The following HACL2 variants were observed in gnomAD, a reference collection of about 807,000 sequenced individuals.
The protein encoded by HACL2 is 2-hydroxyacyl-CoA lyase 2.
chr19:15,115,836 G>T, the HACL2 span: 3 of 1,613,476 alleles, frequency 1.9e-6, no homozygotes, highest in Non-Finnish European at 2.5e-6. Flanking sequence ...CTTCCCTCAG[G>T]CCAGCCCAGT....
the HACL2 span, chr19:15,119,542 G>A: frequency 6.3e-7 from 1 of 1,580,604 alleles, no homozygotes; most frequent in Non-Finnish European, 8.7e-7. Context: ...GGATCAAAGG[G>A]CTGTCTTTTT....
chr19:15,120,170 A>G, the HACL2 span: 1 of 853,956 alleles, frequency 1.2e-6, no homozygotes, highest in Admixed American at 2.3e-5. Context: ...GGCCGGGAGA[A>G]AAGCCAGGAG....
At chr19:15,123,622 G>C in the HACL2 span, 1 of 1,581,336 alleles carries the variant, frequency 6.3e-7, no homozygotes, top group African/African-American at 1.4e-5. The surrounding 1 kb of genome is among the most constrained non-coding windows in gnomAD (Gnocchi z 5.1). Context: ...GGCCAGGGCA[G>C]AGGGCAGCTG....
the HACL2 span, chr19:15,125,186 C>A: frequency 1.9e-6 from 2 of 1,038,484 alleles, no homozygotes; most frequent in Non-Finnish European, 2.8e-6. Flanking sequence ...AGTTTCTGTG[C>A]GGCCACGCCC....
chr19:15,124,661 A>T, the HACL2 span: 9 of 520,100 alleles, frequency 1.7e-5, no homozygotes, highest in South Asian at 2.1e-4. Context: ...TTCTGTGAAA[A>T]GAGTCACTGG....
the HACL2 span, chr19:15,122,647 G>C: frequency 6.6e-7 from 1 of 1,514,678 alleles, no homozygotes; most frequent in Non-Finnish European, 9.2e-7. This position sits in a 1 kb window ranked among gnomAD's most constrained non-coding sequence, Gnocchi z 4.0. Context: ...AGCTGCAGGA[G>C]AGAACGGGGG....
chr19:15,124,680 G>C, the HACL2 span: 1 of 537,276 alleles, frequency 1.9e-6, no homozygotes, highest in South Asian at 2.3e-5. Flanking sequence ...GGGGAAGGAG[G>C]TAGGTGGGGT....
the HACL2 span, chr19:15,124,997 G>A: frequency 3.8e-6 from 6 of 1,598,142 alleles, no homozygotes; most frequent in East Asian, 1.1e-4. Flanking sequence ...GCGTCCCGCA[G>A]GCCAGGAGCA....
chr19:15,117,824 CAGGAGGAG>C, the HACL2 span: 2 of 1,601,430 alleles, frequency 1.2e-6, no homozygotes, highest in South Asian at 2.2e-5. Flanking sequence ...CAGCAGAAAC[CAGGAGGAG>C]AGGGACTGGG....
the HACL2 span, chr19:15,116,515 C>T: frequency 6.2e-7 from 1 of 1,613,136 alleles, no homozygotes; most frequent in Non-Finnish European, 8.5e-7. Context: ...CGAAGGAACC[C>T]ACATCTCCTG....
chr19:15,117,681 A>G, the HACL2 span: 1 of 536,676 alleles, frequency 1.9e-6, no homozygotes, highest in Admixed American at 3.2e-5. Flanking sequence ...CTCGTCTCTA[A>G]AAAATAAAAA....
At chr19:15,115,664 A>G in the HACL2 span, 3 of 1,613,356 alleles carry the variant, frequency 1.9e-6, no homozygotes, top group Non-Finnish European at 2.5e-6. Flanking sequence ...CAAGGCCATC[A>G]CTGGGATCTA....
At chr19:15,118,745 G>A in the HACL2 span, among the ~76,000 whole-genome samples, 1 of 152,176 alleles carries the variant, frequency 6.6e-6, no homozygotes, top group Non-Finnish European at 1.5e-5. Flanking sequence ...GGGGGCCATG[G>A]AGACAGGGGT....
the HACL2 span, among the ~76,000 whole-genome samples, chr19:15,118,275 G>A: frequency 4.9e-4 from 74 of 152,282 alleles, no homozygotes; most frequent in African/African-American, 1.7e-3. Flanking sequence ...ACATCCATTT[G>A]TACAAGGTCA....
the HACL2 span, chr19:15,115,710 C>G: frequency 6.3e-7 from 1 of 1,594,766 alleles, no homozygotes; most frequent in African/African-American, 1.3e-5. Context: ...AGCCTTCAGC[C>G]CCATGGCTTG....
the HACL2 span, chr19:15,117,985 C>T: frequency 2.5e-6 from 4 of 1,614,030 alleles, no homozygotes; most frequent in Non-Finnish European, 3.4e-6. Flanking sequence ...GAGGACACGG[C>T]CATAGGATAG....
the HACL2 span, chr19:15,117,826 G>A: frequency 6.3e-7 from 1 of 1,591,632 alleles, no homozygotes; most frequent in Non-Finnish European, 8.6e-7. Context: ...GCAGAAACCA[G>A]GAGGAGAGGG....
the HACL2 span, chr19:15,115,610 A>AC: frequency 1.2e-6 from 2 of 1,613,920 alleles, no homozygotes; most frequent in Non-Finnish European, 8.5e-7. Flanking sequence ...CAGAGAGGGC[A>AC]CCTGCTCCCG....
the HACL2 span, chr19:15,123,686 G>A: frequency 1.1e-6 from 1 of 927,360 alleles, no homozygotes. The surrounding 1 kb of genome is among the most constrained non-coding windows in gnomAD (Gnocchi z 5.1). Context: ...AGGGTGAGAG[G>A]TCAAGAGAAG....
Sources: gnomAD v4.1 joint callset for allele counts (sites outside exome capture counted in the v4.1 genomes callset) on GRCh38, gnomAD v4.1.1 for gene constraint, Gnocchi (gnomAD v3.1) non-coding constraint, MANE v1.5 for transcripts, NCBI Gene and HGNC (gene_info 2026-07-23, HGNC 2026-07-21) for gene names.